DNAJC13: variants seen among roughly 807,000 people sequenced by gnomAD.
The protein encoded by DNAJC13 is dnaJ homolog subfamily C member 13.
In DNAJC13, 75 loss-of-function variants were observed where a neutral mutation model predicts 290.5. The ratio of observed to expected loss-of-function variants is 0.26; its 90% CI spans 0.21 to 0.31. DNAJC13 has a LOEUF of 0.31. Ranked by LOEUF, DNAJC13 falls within the 10% of genes least tolerant of loss-of-function variation. The pLI, the probability that DNAJC13 is intolerant of heterozygous loss-of-function variation, is 1.00. For synonymous variants in DNAJC13, 862 were observed against 892.0 expected, an observed-to-expected ratio of 0.97 and a Z score of 0.60; for missense variants, 2,260 against 2,674.5, an observed-to-expected ratio of 0.85 and a Z score of 3.42.
intron 46 of DNAJC13, among the ~76,000 whole-genome samples, chr3:132,516,122 G>A (rs1328090084): frequency 6.6e-6 from 1 of 152,168 alleles, no homozygotes; most frequent in African/African-American, 2.4e-5. Context: ...GATGTGCAGT[G>A]CACAATGAGG....
In DNAJC13 at chr3:132,478,097, G is replaced by T; in HGVS notation, c.2666G>T (p.Gly889Val). ...IVYGRCHEEI[G>V]PFTDTRYIIG... is the part of the protein sequence containing the mutation. ...TATGGCAGATGTCACGAAGAAATAG[G>T]ACCTTTTACAGATACCAGATATATC... Residue 889 changes from glycine (G) to valine (V), a missense_variant, in exon 24 of 56, where the codon GGA (glycine) becomes GTA (valine). Coordinates refer to ENST00000260818, the MANE Select transcript of DNAJC13 (RefSeq NM_015268.4). 6.2e-7 allele frequency: 1 copy of T among 1,613,242 alleles called. No homozygotes were observed. The highest frequency in any genetic ancestry group is 8.5e-7 in the Non-Finnish European group (1 of 1,179,720).
intron 42 of DNAJC13, among the ~76,000 whole-genome samples, chr3:132,506,769 C>G (rs1449240026): frequency 6.6e-6 from 1 of 151,838 alleles, no homozygotes; most frequent in East Asian, 1.9e-4. Context: ...CCAAGATGGT[C>G]TCGATCTCTT....
At chr3:132,468,249 T>C (rs1934067184) in intron 20 of DNAJC13, among the ~76,000 whole-genome samples, 1 of 152,214 alleles carries the variant, frequency 6.6e-6, no homozygotes, top group South Asian at 2.1e-4. Flanking sequence ...TTGATCTCAG[T>C]TTTTGTTGAT....
At chr3:132,427,647 A>G (rs1450976571) in intron 1 of DNAJC13, among the ~76,000 whole-genome samples, 1 of 152,198 alleles carries the variant, frequency 6.6e-6, no homozygotes, top group Non-Finnish European at 1.5e-5. Context: ...ATTCTAGGTG[A>G]TATCTATTGC....
Position 132,484,673 on chromosome 3 carries a change from G to A in DNAJC13, c.3267+1G>A. The A allele has an allele frequency of 6.2e-7, 1 of 1,611,694 alleles. No homozygotes were observed. The highest frequency in any genetic ancestry group is 8.5e-7 in the Non-Finnish European group (1 of 1,177,890). On this transcript the variant is annotated splice_donor_variant, in intron 29 of 55. Coordinates refer to ENST00000260818, the MANE Select transcript of DNAJC13 (RefSeq NM_015268.4). LOFTEE classifies it high-confidence loss of function. ...CACTTGCCTTCCCCATATTATTCAG[G>A]TGAGTTATGTAATCAAACTAGGAGC...
intron 45 of DNAJC13, among the ~76,000 whole-genome samples, chr3:132,513,494 G>A (rs776819515): frequency 6.6e-6 from 1 of 152,120 alleles, no homozygotes; most frequent in Non-Finnish European, 1.5e-5. Context: ...CATACTGTGG[G>A]TTTGCATTTC....
intron 33 of DNAJC13, among the ~76,000 whole-genome samples, chr3:132,493,246 T>C (rs561753486): frequency 6.6e-6 from 1 of 152,170 alleles, no homozygotes; most frequent in African/African-American, 2.4e-5. Context: ...CCTGAGTCTT[T>C]GTGTATCTGT....
chr3:132,433,835 C>T (rs771252375), intron 1 of DNAJC13, among the ~76,000 whole-genome samples: 1 of 152,152 alleles, frequency 6.6e-6, no homozygotes, highest in Non-Finnish European at 1.5e-5. Context: ...AAACACAGTC[C>T]AGTGTGGGAG....
At chr3:132,436,197 G>A (rs574532296) in intron 2 of DNAJC13, among the ~76,000 whole-genome samples, 6 of 152,208 alleles carry the variant, frequency 3.9e-5, no homozygotes, top group East Asian at 3.9e-4. Flanking sequence ...TAAACACTGC[G>A]TTACAAATCA....
At chr3:132,440,110 T>A (rs949639744) in intron 2 of DNAJC13, among the ~76,000 whole-genome samples, 15 of 152,084 alleles carry the variant, frequency 9.9e-5, no homozygotes, top group African/African-American at 3.4e-4. Context: ...ACACAAAAAT[T>A]ATCTGGTGTG....
intron 16 of DNAJC13, among the ~76,000 whole-genome samples, chr3:132,463,081 A>G (rs1933857692): frequency 6.6e-6 from 1 of 152,246 alleles, no homozygotes; most frequent in South Asian, 2.1e-4. Context: ...CAATGACATC[A>G]GTCTAAATGG....
At chr3:132,433,549 T>G (rs1303795978) in intron 1 of DNAJC13, among the ~76,000 whole-genome samples, 2 of 152,318 alleles carry the variant, frequency 1.3e-5, no homozygotes, top group East Asian at 3.9e-4. Context: ...TGGCTGGGGT[T>G]ATAGGCATGA....
chr3:132,538,422 G>T lies in DNAJC13; in HGVS notation c.*140G>T. The T allele has an allele frequency of 3.2e-6, 2 of 629,978 alleles. No individual in the cohort carries two copies. Among genetic ancestry groups the T allele is most frequent in the South Asian group, 2.5e-5 (1 of 40,356 alleles). The allele number at this position is 629,978 out of a possible 1,614,324, so 39.0% of individuals were successfully genotyped here. Reference sequence around the variant, plus strand: ...TCCTTTTTCTATAAATATATTTTTAGGAAAAAAAGTCAGTGATCCTAATTG... The same window carrying T: ...TCCTTTTTCTATAAATATATTTTTATGAAAAAAAGTCAGTGATCCTAATTG... On this transcript the variant is annotated 3_prime_UTR_variant, in exon 56 of 56. Coordinates refer to ENST00000260818, the MANE Select transcript of DNAJC13 (RefSeq NM_015268.4).
At chr3:132,524,207 A>G (rs965594120) in intron 51 of DNAJC13, among the ~76,000 whole-genome samples, 7 of 152,202 alleles carry the variant, frequency 4.6e-5, no homozygotes, top group Non-Finnish European at 8.8e-5. Flanking sequence ...TGAAAAGGTA[A>G]CTTTGGTCTT....
At chr3:132,474,196 AC>A (rs1407933397) in intron 21 of DNAJC13, 1 of 151,498 alleles carries the variant, frequency 6.6e-6, no homozygotes, top group Non-Finnish European at 1.5e-5. Flanking sequence ...TATCTCCCCA[AC>A]CTAAAGTTTT....
intron 20 of DNAJC13, among the ~76,000 whole-genome samples, chr3:132,469,069 G>T (rs1333877664): frequency 6.6e-6 from 1 of 152,152 alleles, no homozygotes; most frequent in Non-Finnish European, 1.5e-5. Flanking sequence ...TTTACATGGG[G>T]TATTACTAAA....
At chr3:132,466,770 C>T (rs1452737061) in intron 19 of DNAJC13, among the ~76,000 whole-genome samples, 2 of 152,068 alleles carry the variant, frequency 1.3e-5, no homozygotes, top group Non-Finnish European at 1.5e-5. Context: ...TTGGTAAAAA[C>T]GGCCAACCAT....
intron 10 of DNAJC13, 44 bp downstream of exon 10, chr3:132,456,445 T>A (rs933262843): frequency 6.2e-7 from 1 of 1,609,126 alleles, no homozygotes; most frequent in Non-Finnish European, 8.5e-7. Flanking sequence ...CTCATCTACT[T>A]AATTTAAGAA....
In DNAJC13 at chr3:132,516,426, T is replaced by G. The variant is rs1189249938; in HGVS notation, c.5490T>G (p.Arg1830=). 1 of 1,613,694 alleles carries G rather than the reference T, an allele frequency of 6.2e-7. No individual in the cohort carries two copies. The highest frequency in any genetic ancestry group is 8.5e-7 in the Non-Finnish European group (1 of 1,179,712). Reference sequence around the variant, plus strand: ...GAAATGTCTTTTACTCTGCAGGTCGTCAGCTTGTTCTGGAAACTCTTTATG... The same window carrying G: ...GAAATGTCTTTTACTCTGCAGGTCGGCAGCTTGTTCTGGAAACTCTTTATG... The part of the protein sequence containing the change: ...LALLHSLPSS[R]QLVLETLYAL... The change falls in exon 47 of 56, where the codon CGT becomes CGG. Residue 1830 remains arginine, a synonymous_variant. Transcript: ENST00000260818.
Sources: allele counts gnomAD v4.1 joint callset (sites outside exome capture counted in the v4.1 genomes callset), GRCh38; gene constraint gnomAD v4.1.1; transcripts MANE v1.5; gene names NCBI Gene and HGNC (gene_info 2026-07-23, HGNC 2026-07-21).